Variants in TSPAN5 observed in about 807,000 individuals in gnomAD.
TSPAN5 encodes tetraspanin-5.
In TSPAN5, 10 loss-of-function variants were observed where a neutral mutation model predicts 37.1. The ratio of observed to expected loss-of-function variants is 0.27; its 90% CI spans 0.17 to 0.46. The LOEUF (loss-of-function observed/expected upper bound fraction) is 0.46. Among genes scored for constraint, TSPAN5 ranks in the 20% least tolerant of loss-of-function variants. The probability of loss-of-function intolerance (pLI) is 1.00; values close to 1 mark genes in which losing one functional copy is unlikely to be tolerated. For missense variants in TSPAN5, 195 were observed against 326.6 expected, an observed-to-expected ratio of 0.60 and a Z score of 3.11; for synonymous variants, 110 against 118.9, an observed-to-expected ratio of 0.93 and a Z score of 0.48.
chr4:98,484,633 C>T (rs1235550462), intron 3 of TSPAN5: 1 of 449,230 alleles, frequency 2.2e-6, no homozygotes, highest in Admixed American at 2.4e-5. Context: ...AAAGGGGCCA[C>T]CACTATAAAT....
chr4:98,529,588 G>A (rs1019391279), intron 1 of TSPAN5, among the ~76,000 whole-genome samples: 1 of 152,186 alleles, frequency 6.6e-6, no homozygotes. Context: ...GAGACATTAA[G>A]TAGCCTGGAC....
intron 1 of TSPAN5, among the ~76,000 whole-genome samples, chr4:98,530,038 A>G (rs1008327516): frequency 4.6e-5 from 7 of 152,308 alleles, no homozygotes; most frequent in African/African-American, 1.4e-4. Context: ...GAGTTCCTTG[A>G]TGTAGGTGTT....
chr4:98,631,189 G>A (rs528188458), intron 1 of TSPAN5, among the ~76,000 whole-genome samples: 3 of 152,232 alleles, frequency 2.0e-5, no homozygotes, highest in Non-Finnish European at 2.9e-5. Flanking sequence ...CTGGCAAAAC[G>A]TCCACAAGGC....
chr4:98,642,920 AG>A (rs1184012091), intron 1 of TSPAN5, among the ~76,000 whole-genome samples: 9 of 152,250 alleles, frequency 5.9e-5, no homozygotes, highest in Non-Finnish European at 1.3e-4. Context: ...AGCTAAAAAA[AG>A]GTTAATAAAA....
intron 1 of TSPAN5, among the ~76,000 whole-genome samples, chr4:98,511,422 C>T (rs1468836011): frequency 6.6e-6 from 1 of 152,194 alleles, no homozygotes; most frequent in Non-Finnish European, 1.5e-5. Context: ...CAAACCTATA[C>T]TGCATGTCAC....
At chr4:98,508,079 A>T (rs951619187) in intron 1 of TSPAN5, among the ~76,000 whole-genome samples, 5 of 152,198 alleles carry the variant, frequency 3.3e-5, no homozygotes, top group African/African-American at 1.2e-4. Context: ...TGGTCACTAG[A>T]AAATGGATAA....
intron 1 of TSPAN5, among the ~76,000 whole-genome samples, chr4:98,569,175 G>A (rs1015278371): frequency 6.6e-6 from 1 of 152,130 alleles, no homozygotes. Flanking sequence ...GGCTTCCCAC[G>A]AAGGCCTGAC....
chr4:98,607,713 T>A (rs997515233), intron 1 of TSPAN5, among the ~76,000 whole-genome samples: 4 of 118,334 alleles, frequency 3.4e-5, no homozygotes, highest in Non-Finnish European at 4.8e-5. Context: ...TTAAATGAAA[T>A]TTTTTTTTTT....
intron 1 of TSPAN5, among the ~76,000 whole-genome samples, chr4:98,530,030 G>C (rs1235879686): frequency 2.0e-5 from 3 of 152,200 alleles, no homozygotes; most frequent in Non-Finnish European, 4.4e-5. Context: ...CAGACTCTGA[G>C]TTCCTTGATG....
At chr4:98,544,645 G>A (rs1253172763) in intron 1 of TSPAN5, among the ~76,000 whole-genome samples, 1 of 152,144 alleles carries the variant, frequency 6.6e-6, no homozygotes, top group Non-Finnish European at 1.5e-5. Flanking sequence ...AGTACTAAAG[G>A]TGTGCGAAAG....
chr4:98,609,072 T>A (rs1756111605), intron 1 of TSPAN5, among the ~76,000 whole-genome samples: 2 of 151,846 alleles, frequency 1.3e-5, no homozygotes, highest in South Asian at 4.2e-4. Context: ...AGGATTAGAC[T>A]AAGAAATCAC....
At position 98,599,639 on chromosome 4, in the gene TSPAN5, C is replaced by T. The variant is rs1284269244; in HGVS notation, c.81+58507G>A. ...CTGATTTGCTTTCTGTACCTACAGA[C>T]TAGTTTTGCCTGTTCCAGAACTTCA... On this transcript the variant is annotated intron_variant, in intron 1 of 7. Coordinates refer to ENST00000305798, the MANE Select transcript of TSPAN5 (RefSeq NM_005723.4). 2.6e-5 allele frequency among the ~76,000 whole-genome samples: 4 copies of T among 152,186 alleles called. No individual in the cohort carries two copies. In the East Asian group the frequency reaches 7.7e-4, roughly 29 times the overall value.
At chr4:98,503,361 C>G (rs1753399927) in intron 2 of TSPAN5, among the ~76,000 whole-genome samples, 1 of 152,058 alleles carries the variant, frequency 6.6e-6, no homozygotes, top group African/African-American at 2.4e-5. Context: ...CAGATGAGCA[C>G]CAACAAAATG....
chr4:98,482,706 C>T (rs1752872689), intron 3 of TSPAN5: 1 of 152,230 alleles, frequency 6.6e-6, no homozygotes, highest in Non-Finnish European at 1.5e-5. Context: ...ATGTGTTCAT[C>T]TTAGATGAAG....
At chr4:98,477,489 C>T (rs1752729718) in intron 5 of TSPAN5, among the ~76,000 whole-genome samples, 1 of 152,138 alleles carries the variant, frequency 6.6e-6, no homozygotes, top group Non-Finnish European at 1.5e-5. Flanking sequence ...CTGAGCTCAT[C>T]AGCACCCACT....
chr4:98,487,539 G>A (rs551188444), intron 2 of TSPAN5, among the ~76,000 whole-genome samples: 89 of 152,068 alleles, frequency 5.9e-4, no homozygotes, highest in African/African-American at 2.0e-3. Flanking sequence ...CACAGCACCC[G>A]GTCCGGCTAC....
At position 98,526,176 on chromosome 4, in the gene TSPAN5, G is replaced by A. The variant is rs114975041; in HGVS notation, c.82-18448C>T. ...GGAGGCTGATTTTTGCTCAAACACC[G>A]TTAGAACTGAAAGGAACCTCTGAGG... On this transcript the variant is annotated intron_variant, in intron 1 of 7. Coordinates refer to ENST00000305798, the MANE Select transcript of TSPAN5 (RefSeq NM_005723.4). Among the ~76,000 whole-genome samples, 957 of 152,276 alleles carry A rather than the reference G, an allele frequency of 6.3e-3. 9 individuals are homozygous for A. Among genetic ancestry groups the A allele is most frequent in the African/African-American group, 0.022 (909 of 41,548 alleles).
chr4:98,543,785 A>G lies in TSPAN5; in HGVS notation c.82-36057T>C, dbSNP rs184614907. ...TTTCCCCCAAATAATGCATACCTTG[A>G]GACTACCTGAATCCATACCTTTTTC... On this transcript the variant is annotated intron_variant, in intron 1 of 7. Coordinates refer to ENST00000305798, the MANE Select transcript of TSPAN5 (RefSeq NM_005723.4). Among the ~76,000 whole-genome samples, 325 of 152,186 alleles carry G rather than the reference A, an allele frequency of 2.1e-3. 3 individuals are homozygous for G. The highest frequency in any genetic ancestry group is 7.5e-3 in the African/African-American group (312 of 41,522).
At chr4:98,510,848 C>G (rs1753589427) in intron 1 of TSPAN5, among the ~76,000 whole-genome samples, 1 of 152,214 alleles carries the variant, frequency 6.6e-6, no homozygotes, top group African/African-American at 2.4e-5. Context: ...TGCTACATCA[C>G]TAGCAAATGT....
Sources: gnomAD v4.1 joint callset for allele counts (sites outside exome capture counted in the v4.1 genomes callset) on GRCh38, gnomAD v4.1.1 for gene constraint, MANE v1.5 for transcripts, NCBI Gene and HGNC (gene_info 2026-07-23, HGNC 2026-07-21) for gene names.